The following MYO1D variants were observed in gnomAD, a reference collection of about 807,000 sequenced individuals.
The protein encoded by MYO1D is myosin ID.
In MYO1D, 83 loss-of-function variants were observed where a neutral mutation model predicts 122.0. The ratio of observed to expected loss-of-function variants is 0.68; its 90% CI spans 0.57 to 0.82. MYO1D has a LOEUF of 0.82. MYO1D is among the 40% of genes least tolerant of loss of function. The probability of loss-of-function intolerance (pLI) is 0.00; values close to 1 mark genes in which losing one functional copy is unlikely to be tolerated. For missense variants in MYO1D, 1,157 were observed against 1,269.5 expected (o/e 0.91, Z 1.35); for synonymous variants, 464 against 446.9 (o/e 1.04, Z -0.48).
At chr17:32,557,165 CT>C (rs2087075084) in intron 21 of MYO1D, among the ~76,000 whole-genome samples, 1 of 151,164 alleles carries the variant, frequency 6.6e-6, no homozygotes, top group Admixed American at 6.6e-5. Context: ...GTTGTCCAGG[CT>C]GGAGTTCAGT....
intron 1 of MYO1D, among the ~76,000 whole-genome samples, chr17:32,850,998 AAACAACAACAAC>A (rs571417841): frequency 6.6e-6 from 1 of 151,976 alleles, no homozygotes; most frequent in African/African-American, 2.4e-5. Flanking sequence ...GTACTATGAA[AAACAACAACAAC>A]AACAACAACA....
chr17:32,612,818 G>A (rs1423544449), intron 20 of MYO1D, among the ~76,000 whole-genome samples: 1 of 151,406 alleles, frequency 6.6e-6, no homozygotes, highest in Non-Finnish European at 1.5e-5. Flanking sequence ...GCCCAGGCTG[G>A]AGTGCAGTGG....
At chr17:32,520,269 G>A (rs1245766663) in intron 21 of MYO1D, among the ~76,000 whole-genome samples, 1 of 152,150 alleles carries the variant, frequency 6.6e-6, no homozygotes, top group Non-Finnish European at 1.5e-5. Flanking sequence ...ACTAGCTGAG[G>A]GTGATGGACC....
At chr17:32,807,239 TATTACAGTAAAA>T (rs1056337613) in intron 1 of MYO1D, among the ~76,000 whole-genome samples, 26 of 152,300 alleles carry the variant, frequency 1.7e-4, no homozygotes, top group African/African-American at 5.8e-4. Context: ...TTAAACACTT[TATTACAGTAAAA>T]ATTACAGTAA....
intron 20 of MYO1D, among the ~76,000 whole-genome samples, chr17:32,616,144 G>A (rs748533954): frequency 1.3e-5 from 2 of 152,132 alleles, no homozygotes; most frequent in Non-Finnish European, 2.9e-5. Context: ...TTGGGTATGC[G>A]GGGCAGGTAA....
At chr17:32,604,952 C>T in intron 21 of MYO1D, 135 bp downstream of exon 21, 4 of 822,018 alleles carry the variant, frequency 4.9e-6, no homozygotes, top group Non-Finnish European at 7.0e-6. Flanking sequence ...TTCTGCGAAA[C>T]AGATGATTTA....
chr17:32,831,166 A>G (rs1261537132), intron 1 of MYO1D, among the ~76,000 whole-genome samples: 3 of 152,254 alleles, frequency 2.0e-5, no homozygotes, highest in Non-Finnish European at 4.4e-5. Flanking sequence ...AGAAAGTAGA[A>G]GTCAACACAA....
intron 16 of MYO1D, among the ~76,000 whole-genome samples, chr17:32,690,180 T>C (rs956661474): frequency 1.3e-5 from 2 of 151,736 alleles, no homozygotes; most frequent in African/African-American, 4.8e-5. Context: ...CCCTTGAGTG[T>C]TTATCTTTTT....
Position 32,780,794 on chromosome 17 carries a change from A to G in MYO1D, c.96-10T>C. On this transcript the variant is annotated splice_polypyrimidine_tract_variant and intron_variant, in intron 1 of 21. Transcript: ENST00000318217. ...GCGCCCTTTTTCAAATCTGTACAGA[A>G]GCAAAAGAAAAGGAAGACGTAGCTG... is the stretch of plus-strand genomic sequence containing the variant. 1 of 1,613,604 alleles carries G rather than the reference A, an allele frequency of 6.2e-7. No individual in the cohort carries two copies. The highest frequency in any genetic ancestry group is 8.5e-7 in the Non-Finnish European group (1 of 1,179,610).
At position 32,780,571 on chromosome 17, in the gene MYO1D, A is replaced by G; in HGVS notation, c.304+5T>C. ...TTGGAAATACAGGGGATCCCCTCCA[A>G]TTACCTGATATCACAATACAAGTGT... On this transcript the variant is annotated splice_donor_5th_base_variant and intron_variant, in intron 2 of 21. Transcript: ENST00000318217. The G allele has an allele frequency of 6.2e-7, 1 of 1,613,290 alleles. No individual in the cohort carries two copies. The highest frequency in any genetic ancestry group is 2.2e-5 in the East Asian group (1 of 44,872).
chr17:32,849,118 T>C (rs1053088142), intron 1 of MYO1D, among the ~76,000 whole-genome samples: 2 of 151,870 alleles, frequency 1.3e-5, no homozygotes, highest in African/African-American at 2.4e-5. Context: ...CTATGAGATA[T>C]CATCTCACAC....
chr17:32,603,550 G>T (rs1164197587), intron 21 of MYO1D, among the ~76,000 whole-genome samples: 1 of 121,974 alleles, frequency 8.2e-6, no homozygotes. Flanking sequence ...TTTTGAGACA[G>T]AGTCTCCTTC....
intron 20 of MYO1D, among the ~76,000 whole-genome samples, chr17:32,629,597 G>A (rs1468458783): frequency 2.0e-5 from 3 of 152,090 alleles, no homozygotes; most frequent in South Asian, 2.1e-4. Flanking sequence ...TTAGCCAGGC[G>A]TGGTGGCGGG....
intron 21 of MYO1D, among the ~76,000 whole-genome samples, chr17:32,557,264 G>A (rs1042082670): frequency 6.6e-6 from 1 of 151,622 alleles, no homozygotes; most frequent in Non-Finnish European, 1.5e-5. Context: ...GATTACAGAT[G>A]CCCGCTACCA....
At chr17:32,654,727 G>T in intron 17 of MYO1D, 106 bp from the exon 18 acceptor site, 1 of 1,091,312 alleles carries the variant, frequency 9.2e-7, no homozygotes, top group Non-Finnish European at 1.2e-6. Context: ...CTCCCAGGCT[G>T]GAGTGCATGG....
intron 14 of MYO1D, among the ~76,000 whole-genome samples, chr17:32,726,778 T>C (rs2089580371): frequency 6.6e-6 from 1 of 151,020 alleles, no homozygotes. Context: ...TATATGCATG[T>C]TATTTTGGTA....
At chr17:32,558,462 C>G (rs1052281723) in intron 21 of MYO1D, among the ~76,000 whole-genome samples, 1 of 152,182 alleles carries the variant, frequency 6.6e-6, no homozygotes, top group African/African-American at 2.4e-5. Context: ...TAATGCACTG[C>G]TATCATCACA....
At chr17:32,611,424 A>T (rs2087700664) in intron 20 of MYO1D, among the ~76,000 whole-genome samples, 1 of 152,160 alleles carries the variant, frequency 6.6e-6, no homozygotes, top group African/African-American at 2.4e-5. Context: ...GATCTTCTGG[A>T]TGTGTAGCCC....
chr17:32,618,508 T>G (rs2087807308), intron 20 of MYO1D, among the ~76,000 whole-genome samples: 1 of 152,162 alleles, frequency 6.6e-6, no homozygotes, highest in South Asian at 2.1e-4. Flanking sequence ...AAGAAGAACA[T>G]TTACAACCCA....
Sources: allele counts gnomAD v4.1 joint callset (sites outside exome capture counted in the v4.1 genomes callset), GRCh38; gene constraint gnomAD v4.1.1; transcripts MANE v1.5; gene names NCBI Gene and HGNC (gene_info 2026-07-23, HGNC 2026-07-21).